INPP4B: variants seen among roughly 807,000 people sequenced by gnomAD.
INPP4B encodes inositol polyphosphate-4-phosphatase type II B.
INPP4B carries 55 observed loss-of-function variants against 122.5 expected under a neutral mutation model. The observed-to-expected ratio is 0.45, with a 90% CI of 0.36 to 0.56. INPP4B has a LOEUF of 0.56. INPP4B is among the 20% of genes least tolerant of loss of function. INPP4B has a pLI of 0.00. For synonymous variants in INPP4B, 403 were observed against 388.7 expected (o/e 1.04, Z -0.43); for missense variants, 1,000 against 1,097.7 (o/e 0.91, Z 1.26).
chr4:142,533,652 T>A (rs1015004097), intron 2 of INPP4B, among the ~76,000 whole-genome samples: 1 of 152,072 alleles, frequency 6.6e-6, no homozygotes, highest in Non-Finnish European at 1.5e-5. Flanking sequence ...AGGAACAAAG[T>A]TAGTGAATCA....
chr4:142,265,675 G>A (rs1742396707), intron 10 of INPP4B, among the ~76,000 whole-genome samples: 2 of 152,170 alleles, frequency 1.3e-5, no homozygotes, highest in African/African-American at 4.8e-5. Context: ...AAAAGGTCAA[G>A]GTTTACAAAT....
intron 2 of INPP4B, among the ~76,000 whole-genome samples, chr4:142,494,322 T>C (rs1200020942): frequency 2.0e-5 from 3 of 152,208 alleles, no homozygotes; most frequent in Non-Finnish European, 2.9e-5. Flanking sequence ...TCTTGCCATA[T>C]GTTATAAACA....
Position 142,231,553 on chromosome 4 carries a change from C to T in INPP4B, c.836+6311G>A, listed in dbSNP as rs976608532. Reference sequence around the variant, plus strand: ...TATATAGTTTGACTATATATTTAGACGTTTCTATATAACATTTTCTTAATT... The same window carrying T: ...TATATAGTTTGACTATATATTTAGATGTTTCTATATAACATTTTCTTAATT... On this transcript the variant is annotated intron_variant, in intron 12 of 25. Coordinates refer to ENST00000262992, the MANE Select transcript of INPP4B (RefSeq NM_001101669.3). Among the ~76,000 whole-genome samples the T allele has an allele frequency of 1.4e-4, 22 of 152,188 alleles. No homozygotes were observed. The South Asian group carries it at 2.1e-3, about 14-fold the overall frequency.
chr4:142,507,598 T>G (rs1272756928), intron 2 of INPP4B, among the ~76,000 whole-genome samples: 1 of 152,124 alleles, frequency 6.6e-6, no homozygotes, highest in Non-Finnish European at 1.5e-5. Flanking sequence ...ACCCTATTCC[T>G]TTAAACAATT....
intron 1 of INPP4B, among the ~76,000 whole-genome samples, chr4:142,832,014 G>A (rs1015911144): frequency 1.3e-5 from 2 of 152,156 alleles, no homozygotes; most frequent in Non-Finnish European, 2.9e-5. Flanking sequence ...TTGTGCTCAA[G>A]ACATATCTTC....
intron 23 of INPP4B, among the ~76,000 whole-genome samples, chr4:142,100,051 C>T (rs1783797693): frequency 6.6e-6 from 1 of 152,100 alleles, no homozygotes; most frequent in Non-Finnish European, 1.5e-5. Context: ...TGAAATTACT[C>T]CTGTATGTGT....
At chr4:142,543,586 G>C (rs1829190908) in intron 2 of INPP4B, among the ~76,000 whole-genome samples, 1 of 152,002 alleles carries the variant, frequency 6.6e-6, no homozygotes, top group South Asian at 2.1e-4. Flanking sequence ...TTCAATTGTA[G>C]AGTCAGCATT....
At chr4:142,191,995 A>C (rs1438198353) in intron 15 of INPP4B, among the ~76,000 whole-genome samples, 1 of 152,144 alleles carries the variant, frequency 6.6e-6, no homozygotes, top group Non-Finnish European at 1.5e-5. Context: ...GGGCACCAAA[A>C]AACAAATTTT....
chr4:142,404,151 T>C (rs1802554327), intron 6 of INPP4B, among the ~76,000 whole-genome samples: 1 of 152,222 alleles, frequency 6.6e-6, no homozygotes, highest in Non-Finnish European at 1.5e-5. Context: ...GCATTAACTA[T>C]ATATTATACC....
chr4:142,416,774 C>T (rs140139892), intron 5 of INPP4B, among the ~76,000 whole-genome samples: 1 of 152,254 alleles, frequency 6.6e-6, no homozygotes, highest in East Asian at 1.9e-4. Flanking sequence ...AGGCAAAAGA[C>T]AATCTCAATA....
At chr4:142,263,679 T>TATATATATATATAA (rs1561674364) in intron 10 of INPP4B, among the ~76,000 whole-genome samples, 1 of 122,846 alleles carries the variant, frequency 8.1e-6, no homozygotes, top group African/African-American at 3.0e-5. Flanking sequence ...TATATATATA[T>TATATATATATATAA]AACATTGAAC....
intron 10 of INPP4B, among the ~76,000 whole-genome samples, chr4:142,260,840 G>A (rs557384205): frequency 6.6e-6 from 1 of 152,280 alleles, no homozygotes; most frequent in South Asian, 2.1e-4. Context: ...CAACATGCTA[G>A]AGATATGTTC....
At chr4:142,508,943 A>G (rs1359017070) in intron 2 of INPP4B, among the ~76,000 whole-genome samples, 2 of 152,184 alleles carry the variant, frequency 1.3e-5, no homozygotes, top group Non-Finnish European at 2.9e-5. Flanking sequence ...ACTCGGCTAT[A>G]AATAATTAGA....
intron 2 of INPP4B, among the ~76,000 whole-genome samples, chr4:142,693,331 C>A (rs955256657): frequency 6.6e-6 from 1 of 151,898 alleles, no homozygotes; most frequent in African/African-American, 2.4e-5. Context: ...AGAAAAGCAT[C>A]CTTTAGGCCC....
chr4:142,307,830 C>T (rs983114320), intron 8 of INPP4B, among the ~76,000 whole-genome samples: 2 of 152,088 alleles, frequency 1.3e-5, no homozygotes, highest in Non-Finnish European at 2.9e-5. Flanking sequence ...TTTCTATTTG[C>T]CTTTTAAGAT....
At chr4:142,623,147 T>G (rs564200189) in intron 2 of INPP4B, among the ~76,000 whole-genome samples, 3 of 152,056 alleles carry the variant, frequency 2.0e-5, no homozygotes, top group Admixed American at 2.0e-4. Context: ...ATCTGAGGCT[T>G]ATCTATCACA....
chr4:142,243,594 C>T (rs550710880), intron 11 of INPP4B, among the ~76,000 whole-genome samples: 32 of 151,990 alleles, frequency 2.1e-4, no homozygotes, highest in African/African-American at 4.6e-4. Flanking sequence ...TTAAATCACA[C>T]GGAGAAAATA....
intron 2 of INPP4B, among the ~76,000 whole-genome samples, chr4:142,703,372 T>C (rs949790259): frequency 1.2e-4 from 18 of 152,188 alleles, no homozygotes; most frequent in African/African-American, 4.3e-4. Flanking sequence ...GCAAGTTAGA[T>C]TCAATGGTTA....
intron 9 of INPP4B, among the ~76,000 whole-genome samples, chr4:142,279,552 AT>A (rs67786428): frequency 0.27 from 41,319 of 150,688 alleles, 6,268 homozygotes; most frequent in African/African-American, 0.42. Flanking sequence ...TGGAAAAAAA[AT>A]AAACTCTGCT....
Sources: gnomAD v4.1 joint callset for allele counts (sites outside exome capture counted in the v4.1 genomes callset) on GRCh38, gnomAD v4.1.1 for gene constraint, MANE v1.5 for transcripts, NCBI Gene and HGNC (gene_info 2026-07-23, HGNC 2026-07-21) for gene names.